DNA2: variants seen among roughly 807,000 people sequenced by gnomAD.
DNA2 encodes the protein DNA replication helicase/nuclease 2.
In DNA2, 101 loss-of-function variants were observed where a neutral mutation model predicts 119.1. The ratio of observed to expected loss-of-function variants is 0.85; its 90% CI spans 0.72 to 1.00. The LOEUF is 1.00. DNA2 is among the 50% of genes least tolerant of loss of function. The pLI is 0.00. For missense variants in DNA2, 1,121 were observed against 1,255.5 expected, an observed-to-expected ratio of 0.89 and a Z score of 1.62; for synonymous variants, 366 against 424.4, an observed-to-expected ratio of 0.86 and a Z score of 1.69.
At chr10:68,464,993 CAAAA>C (rs997564463) in intron 4 of DNA2, among the ~76,000 whole-genome samples, 1 of 143,488 alleles carries the variant, frequency 7.0e-6, no homozygotes, top group African/African-American at 2.6e-5. Context: ...ATCTCCCCTC[CAAAA>C]AAAAAATACT....
intron 14 of DNA2, chr10:68,424,518 A>C (rs1171251087): frequency 7.5e-6 from 5 of 670,392 alleles, no homozygotes; most frequent in East Asian, 5.4e-5. Context: ...AAAAAAAAAA[A>C]AACAAAACAG....
intron 14 of DNA2, chr10:68,424,963 A>G (rs886523803): frequency 3.1e-6 from 2 of 640,746 alleles, no homozygotes; most frequent in Non-Finnish European, 5.8e-6. Flanking sequence ...AAAGGCAAAT[A>G]TAAGGAGGAA....
At chr10:68,457,125 C>T (rs1308784713) in intron 5 of DNA2, among the ~76,000 whole-genome samples, 3 of 149,468 alleles carry the variant, frequency 2.0e-5, no homozygotes, top group East Asian at 3.9e-4. Flanking sequence ...CAGAGCGAGA[C>T]TCCATCTCAA....
chr10:68,434,085 G>A (rs1339203710), intron 10 of DNA2, among the ~76,000 whole-genome samples: 1 of 151,946 alleles, frequency 6.6e-6, no homozygotes, highest in African/African-American at 2.4e-5. Context: ...GACCAGCCTG[G>A]ACAACATAGT....
intron 14 of DNA2, among the ~76,000 whole-genome samples, chr10:68,427,353 CA>C (rs796313197): frequency 7.0e-5 from 10 of 142,380 alleles, no homozygotes; most frequent in Admixed American, 1.4e-4. Context: ...GTGTCAAAAA[CA>C]AAAAAAAAAC....
chr10:68,429,643 C>G (rs185144950), intron 14 of DNA2, among the ~76,000 whole-genome samples: 1 of 124,118 alleles, frequency 8.1e-6, no homozygotes, highest in Non-Finnish European at 1.6e-5. Flanking sequence ...ACCCAGGAGG[C>G]GAAGCTTGCA....
intron 3 of DNA2, 62 bp downstream of exon 3, chr10:68,468,061 T>G: frequency 8.2e-7 from 1 of 1,226,860 alleles, no homozygotes; most frequent in South Asian, 2.0e-5. Flanking sequence ...AAATAATAAA[T>G]GTAAAAGTGC....
intron 5 of DNA2, among the ~76,000 whole-genome samples, chr10:68,455,332 A>T (rs1348869717): frequency 6.6e-6 from 1 of 152,204 alleles, no homozygotes; most frequent in Non-Finnish European, 1.5e-5. Flanking sequence ...ACTACTTGAT[A>T]AACACAGTTT....
At chr10:68,437,336 C>A (rs1359642127) in intron 9 of DNA2, 95 bp from the exon 10 acceptor site, 1 of 1,092,512 alleles carries the variant, frequency 9.2e-7, no homozygotes, top group Non-Finnish European at 1.3e-6. Context: ...TCATCTGACT[C>A]CTAAAAATTA....
intron 10 of DNA2, among the ~76,000 whole-genome samples, chr10:68,436,119 T>G (rs1166916424): frequency 6.6e-6 from 1 of 152,170 alleles, no homozygotes; most frequent in Non-Finnish European, 1.5e-5. Flanking sequence ...ACTATGCATG[T>G]CAATGTTCAT....
intron 9 of DNA2, among the ~76,000 whole-genome samples, chr10:68,439,412 T>A (rs1023967265): frequency 1.5e-4 from 23 of 150,912 alleles, no homozygotes; most frequent in African/African-American, 3.7e-4. Context: ...GAAAAAAAAA[T>A]TTTTGAGGCC....
intron 5 of DNA2, among the ~76,000 whole-genome samples, chr10:68,453,008 CT>C (rs2052140427): frequency 1.3e-5 from 2 of 151,712 alleles, no homozygotes; most frequent in South Asian, 4.2e-4. Flanking sequence ...TCAAGCAACT[CT>C]CCCATTTCAG....
chr10:68,435,095 G>A (rs1223531619), intron 10 of DNA2, among the ~76,000 whole-genome samples: 1 of 151,942 alleles, frequency 6.6e-6, no homozygotes, highest in Non-Finnish European at 1.5e-5. Flanking sequence ...TGTCACTCAG[G>A]CTACATGCAG....
Position 68,468,183 on chromosome 10 carries a change from G to C in DNA2, c.381C>G (p.Gly127=). ...LILYPDMLIS[G]TSIASSIRCM... ...ATCGAATACTACTGGCTATGCTGGT[G>C]CCAGAAATCAGCATGTCTGGATACA... Residue 127 remains glycine, a synonymous_variant, in exon 3 of 21, where the codon GGC becomes GGG. Coordinates refer to ENST00000358410, the MANE Select transcript of DNA2 (RefSeq NM_001080449.3). 3 of 1,611,070 alleles carry C rather than the reference G, an allele frequency of 1.9e-6. No individual in the cohort carries two copies. The highest frequency in any genetic ancestry group is 2.5e-6 in the Non-Finnish European group (3 of 1,178,858).
intron 9 of DNA2, 126 bp downstream of exon 9, chr10:68,442,791 C>T (rs1049807029): frequency 5.3e-5 from 42 of 788,764 alleles, no homozygotes; most frequent in Non-Finnish European, 8.1e-5. Flanking sequence ...CTGCAGTTGT[C>T]ATGAATAAAT....
chr10:68,440,274 C>T (rs957329365), intron 9 of DNA2, among the ~76,000 whole-genome samples: 3 of 152,110 alleles, frequency 2.0e-5, no homozygotes, highest in Non-Finnish European at 2.9e-5. Flanking sequence ...GCCTGGGTAA[C>T]AGAGTAAGAC....
chr10:68,422,924 A>C (rs2051685640), intron 14 of DNA2, 34 bp from the exon 15 acceptor site: 1 of 1,425,414 alleles, frequency 7.0e-7, no homozygotes, highest in Non-Finnish European at 9.4e-7. Flanking sequence ...GTTATTTAAC[A>C]TGTAAAAGAA....
intron 17 of DNA2, among the ~76,000 whole-genome samples, chr10:68,421,047 T>C (rs2051658270): frequency 6.6e-6 from 1 of 151,924 alleles, no homozygotes; most frequent in African/African-American, 2.4e-5. Context: ...CAAGCGATTC[T>C]CCTGCCTCAG....
At chr10:68,455,205 T>C (rs2052167911) in intron 5 of DNA2, among the ~76,000 whole-genome samples, 1 of 152,014 alleles carries the variant, frequency 6.6e-6, no homozygotes, top group East Asian at 1.9e-4. Context: ...CCCAAAGTGA[T>C]GGGATTACAG....
Sources: gnomAD v4.1 joint callset for allele counts (sites outside exome capture counted in the v4.1 genomes callset) on GRCh38, gnomAD v4.1.1 for gene constraint, MANE v1.5 for transcripts, NCBI Gene and HGNC (gene_info 2026-07-23, HGNC 2026-07-21) for gene names.